Variants in PRKN observed in about 807,000 individuals in gnomAD.
PRKN encodes the protein parkin RBR E3 ubiquitin protein ligase.
A neutral mutation model predicts 59.5 loss-of-function variants in PRKN; 56 were observed. The observed-to-expected ratio is 0.94, with a 90% CI of 0.76 to 1.18. The LOEUF is 1.18. Among genes scored for constraint, PRKN ranks in the 50% most tolerant of loss-of-function variants. The pLI is 0.00. For missense variants in PRKN, 657 were observed against 596.4 expected, an observed-to-expected ratio of 1.10 and a Z score of -1.06; for synonymous variants, 250 against 222.1, an observed-to-expected ratio of 1.13 and a Z score of -1.12.
chr6:162,208,443 T>A (rs182084957), intron 3 of PRKN, among the ~76,000 whole-genome samples: 19 of 152,306 alleles, frequency 1.2e-4, no homozygotes, highest in African/African-American at 4.6e-4. Context: ...AATTAACGTA[T>A]CTGCACAATA....
intron 7 of PRKN, among the ~76,000 whole-genome samples, chr6:161,638,277 C>G (rs925679198): frequency 2.0e-5 from 3 of 151,906 alleles, no homozygotes; most frequent in African/African-American, 7.3e-5. Flanking sequence ...GGACTACAGG[C>G]ACATGCCACC....
At chr6:161,773,888 C>T (rs756606150) in intron 7 of PRKN, among the ~76,000 whole-genome samples, 13 of 152,120 alleles carry the variant, frequency 8.5e-5, no homozygotes, top group Admixed American at 7.9e-4. Flanking sequence ...AAAGTAAGAA[C>T]TGGGCAAAGT....
intron 2 of PRKN, among the ~76,000 whole-genome samples, chr6:162,338,315 C>A (rs1003527048): frequency 6.6e-6 from 1 of 152,128 alleles, no homozygotes; most frequent in South Asian, 2.1e-4. Flanking sequence ...CATGCGGAGC[C>A]GAAGCTGGAC....
chr6:161,866,036 T>C (rs987084338), intron 6 of PRKN, among the ~76,000 whole-genome samples: 10 of 152,180 alleles, frequency 6.6e-5, no homozygotes, highest in African/African-American at 2.2e-4. Context: ...TTATTATTAA[T>C]AATTGGTCTT....
At chr6:162,199,956 C>T (rs1297084530) in intron 4 of PRKN, among the ~76,000 whole-genome samples, 2 of 152,170 alleles carry the variant, frequency 1.3e-5, no homozygotes, top group Non-Finnish European at 2.9e-5. Flanking sequence ...TAATTAGCCT[C>T]TTGTCTTTCA....
chr6:161,964,746 C>T (rs909846891), intron 6 of PRKN, among the ~76,000 whole-genome samples: 4 of 152,002 alleles, frequency 2.6e-5, no homozygotes, highest in Non-Finnish European at 5.9e-5. Context: ...GTTAAAGATT[C>T]CAGTTTAACT....
chr6:161,775,884 T>C (rs1471311362), intron 7 of PRKN, among the ~76,000 whole-genome samples: 3 of 152,154 alleles, frequency 2.0e-5, no homozygotes, highest in Admixed American at 2.0e-4. Flanking sequence ...TAACGGACTA[T>C]AGTTGGTGAG....
At chr6:162,644,298 G>T (rs1196709963) in intron 1 of PRKN, among the ~76,000 whole-genome samples, 1 of 152,136 alleles carries the variant, frequency 6.6e-6, no homozygotes, top group East Asian at 1.9e-4. Context: ...GGAAGGCTCT[G>T]AGCTGGAGAA....
chr6:161,762,984 A>C (rs950225193), intron 7 of PRKN, among the ~76,000 whole-genome samples: 1 of 152,222 alleles, frequency 6.6e-6, no homozygotes, highest in Admixed American at 6.5e-5. Flanking sequence ...ACAAAAGATA[A>C]AGAGAGCATA....
intron 8 of PRKN, among the ~76,000 whole-genome samples, chr6:161,565,075 T>C (rs1472385209): frequency 1.3e-5 from 2 of 152,212 alleles, no homozygotes; most frequent in Non-Finnish European, 2.9e-5. Flanking sequence ...CTGGGTTCTC[T>C]GCTTGCCCAG....
chr6:162,146,563 T>C (rs1239314205), intron 4 of PRKN, among the ~76,000 whole-genome samples: 1 of 151,882 alleles, frequency 6.6e-6, no homozygotes, highest in Non-Finnish European at 1.5e-5. Flanking sequence ...GGAATGCAGT[T>C]GCACCATCTC....
chr6:161,377,219 G>A lies in PRKN; in HGVS notation c.1167+9575C>T, dbSNP rs992628130. Among the ~76,000 whole-genome samples, 4 of 152,226 alleles carry A rather than the reference G, an allele frequency of 2.6e-5. No homozygotes were observed. The highest frequency in any genetic ancestry group is 1.9e-4 in the East Asian group (1 of 5,178). ...GAAAGAGAGCCCCTGGCACGCTACC[G>A]AGCCCTGTGGAGTTGGAGCATCTGT... On this transcript the variant is annotated intron_variant, in intron 10 of 11. Transcript: ENST00000366898. This position sits in a 1 kb window ranked among gnomAD's most constrained non-coding sequence, Gnocchi z 4.2.
chr6:162,445,760 T>C (rs1235525335), intron 1 of PRKN, among the ~76,000 whole-genome samples: 1 of 46,250 alleles, frequency 2.2e-5, no homozygotes, highest in Admixed American at 2.2e-4. Flanking sequence ...ATTAAAAAGA[T>C]AACAATAAAA....
intron 7 of PRKN, among the ~76,000 whole-genome samples, chr6:161,771,078 CG>C (rs1562670389): frequency 6.6e-6 from 1 of 150,702 alleles, no homozygotes; most frequent in Non-Finnish European, 1.5e-5. Context: ...AGTTGATGGC[CG>C]GGCGCAGTGG....
intron 1 of PRKN, among the ~76,000 whole-genome samples, chr6:162,716,772 G>T (rs940232761): frequency 7.4e-6 from 1 of 134,640 alleles, no homozygotes; most frequent in Non-Finnish European, 1.5e-5. Flanking sequence ...GCGCGCGCAC[G>T]CACACACACA....
At chr6:162,225,366 G>A (rs144429587) in intron 3 of PRKN, among the ~76,000 whole-genome samples, 1 of 152,332 alleles carries the variant, frequency 6.6e-6, no homozygotes, top group African/African-American at 2.4e-5. Flanking sequence ...AGGAGCTTCT[G>A]TGAGAAGAAA....
intron 4 of PRKN, among the ~76,000 whole-genome samples, chr6:162,180,291 C>T (rs558540375): frequency 2.0e-5 from 3 of 152,088 alleles, no homozygotes; most frequent in South Asian, 2.1e-4. Context: ...ACTTAAAGAG[C>T]GTAATTGCAT....
At chr6:162,710,414 C>CACAA (rs759309558) in intron 1 of PRKN, among the ~76,000 whole-genome samples, 5 of 149,986 alleles carry the variant, frequency 3.3e-5, no homozygotes, top group African/African-American at 1.2e-4. Flanking sequence ...CACACACACA[C>CACAA]AACTGTTTGG....
At chr6:161,917,066 T>A (rs2128238193) in intron 6 of PRKN, among the ~76,000 whole-genome samples, 1 of 152,274 alleles carries the variant, frequency 6.6e-6, no homozygotes, top group Middle Eastern at 3.4e-3. Context: ...CCTCCCAAAG[T>A]GCTGGGATTA....
Sources: gnomAD v4.1 joint callset for allele counts (sites outside exome capture counted in the v4.1 genomes callset) on GRCh38, gnomAD v4.1.1 for gene constraint, Gnocchi (gnomAD v3.1) non-coding constraint, MANE v1.5 for transcripts, NCBI Gene and HGNC (gene_info 2026-07-23, HGNC 2026-07-21) for gene names.